The following STK32C variants were observed in gnomAD, a reference collection of about 807,000 sequenced individuals.
STK32C encodes the protein serine/threonine kinase 32C.
A neutral mutation model predicts 56.5 loss-of-function variants in STK32C; 31 were observed. The observed-to-expected ratio is 0.55, with a 90% CI of 0.41 to 0.74. The LOEUF (loss-of-function observed/expected upper bound fraction) is 0.74, where lower values mean the gene tolerates loss of function less well. Ranked by LOEUF, STK32C falls within the 30% of genes least tolerant of loss-of-function variation. STK32C has a pLI of 0.00. For synonymous variants in STK32C, 309 were observed against 289.4 expected (o/e 1.07, Z -0.69); for missense variants, 544 against 676.9 (o/e 0.80, Z 2.18).
intron 2 of STK32C, among the ~76,000 whole-genome samples, chr10:132,241,763 C>T (rs933600587): frequency 3.3e-5 from 5 of 152,190 alleles, no homozygotes; most frequent in African/African-American, 1.2e-4. Context: ...CCTGCACCCT[C>T]GACGGGCTGT....
chr10:132,280,702 A>ACCTCCACTCCCTGATCACGC (rs1564773114), intron 1 of STK32C, among the ~76,000 whole-genome samples: 2 of 144,212 alleles, frequency 1.4e-5, no homozygotes, highest in Admixed American at 6.9e-5. Context: ...CGTGATCATG[A>ACCTCCACTCCCTGATCACGC]ACCTCCACTC....
intron 1 of STK32C, among the ~76,000 whole-genome samples, chr10:132,317,967 C>CAAAAAAAAA (rs1223040750): frequency 1.4e-4 from 8 of 55,574 alleles, no homozygotes; most frequent in Admixed American, 2.0e-4. Flanking sequence ...GACTCTGTCT[C>CAAAAAAAAA]AAAAAAAAAA....
At chr10:132,239,994 G>A (rs1417903572) in intron 2 of STK32C, among the ~76,000 whole-genome samples, 2 of 152,230 alleles carry the variant, frequency 1.3e-5, no homozygotes, top group Admixed American at 6.5e-5. Context: ...AGGAAGAAAC[G>A]GAGCTGCCTG....
In STK32C at chr10:132,222,943, T is replaced by A; in HGVS notation, c.1037A>T (p.Asp346Val). The change falls in exon 9 of 12, where the codon GAC becomes GTC. Residue 346 changes from aspartate to valine, a missense_variant. Coordinates refer to ENST00000298630, the MANE Select transcript of STK32C (RefSeq NM_173575.4). ...GGCCAGCGCCGGGGCTGCCTGCACG[T>A]CCTGGAGGCTGGAGAGCCGGTGCTC... The part of the protein sequence containing the change: ...NPEHRLSSLQ[D>V]VQAAPALAGV... The A allele has an allele frequency of 6.4e-7, 1 of 1,554,542 alleles. No homozygotes were observed. Among genetic ancestry groups the A allele is most frequent in the Non-Finnish European group, 8.7e-7 (1 of 1,153,282 alleles).
chr10:132,268,907 A>G (rs373048967), intron 1 of STK32C, among the ~76,000 whole-genome samples: 2 of 116,298 alleles, frequency 1.7e-5, no homozygotes, highest in African/African-American at 6.8e-5. Context: ...GTGTGCATGC[A>G]TGTGCATGCA....
chr10:132,225,970 G>A (rs539535073), intron 4 of STK32C, among the ~76,000 whole-genome samples, 186 bp from the exon 5 acceptor site: 1 of 152,368 alleles, frequency 6.6e-6, no homozygotes, highest in African/African-American at 2.4e-5. Context: ...CAGAGGCGAT[G>A]AAGTCAGCCA....
chr10:132,225,517 T>G lies in STK32C; in HGVS notation c.772+10A>C. ...GCCAGCTCCCATCTGGAACCCCAGC[T>G]CGGGCTCACCCATGTACGGCTTGGT... On this transcript the variant is annotated intron_variant, in intron 6 of 11. Coordinates refer to ENST00000298630, the MANE Select transcript of STK32C (RefSeq NM_173575.4). The G allele has an allele frequency of 6.2e-7, 1 of 1,613,738 alleles. No homozygotes were observed. The highest frequency in any genetic ancestry group is 8.5e-7 in the Non-Finnish European group (1 of 1,180,004).
chr10:132,321,428 A>G (rs1186180023), downstream of STK32C, among the ~76,000 whole-genome samples: 1 of 152,198 alleles, frequency 6.6e-6, no homozygotes, highest in African/African-American at 2.4e-5. Flanking sequence ...CCCTCCACAT[A>G]GCCTGCTGGG....
In STK32C at chr10:132,238,420, G is replaced by A. The variant is rs572085309; in HGVS notation, c.318+7480C>T. ...ACACAGCAAAGACCAGGGTCTCGGA[G>A]GCAGACGACGTGAAGGGGAAACACG... On this transcript the variant is annotated intron_variant, in intron 2 of 11. Coordinates refer to ENST00000298630, the MANE Select transcript of STK32C (RefSeq NM_173575.4). 2.0e-5 allele frequency among the ~76,000 whole-genome samples: 3 copies of A among 152,366 alleles called. No individual in the cohort carries two copies. In the South Asian group the frequency reaches 6.2e-4, roughly 32 times the overall value.
At chr10:132,249,080 C>T (rs755756922) in intron 1 of STK32C, 9 of 478,748 alleles carry the variant, frequency 1.9e-5, no homozygotes, top group African/African-American at 1.4e-4. Flanking sequence ...GGCAGAGGCT[C>T]CCAGCTGGGA....
At chr10:132,268,821 G>T (rs2064707181) in intron 1 of STK32C, among the ~76,000 whole-genome samples, 1 of 146,456 alleles carries the variant, frequency 6.8e-6, no homozygotes, top group Non-Finnish European at 1.5e-5. Flanking sequence ...CGGTGTGTGT[G>T]CATGCATGTG....
intron 2 of STK32C, among the ~76,000 whole-genome samples, chr10:132,242,737 T>C (rs1430294605): frequency 1.3e-5 from 2 of 152,134 alleles, no homozygotes; most frequent in African/African-American, 4.8e-5. Flanking sequence ...TCCCCCACGA[T>C]GCCCTGCACA....
At chr10:132,208,439 C>T (rs2062174607) in intron 11 of STK32C, among the ~76,000 whole-genome samples, 1 of 152,222 alleles carries the variant, frequency 6.6e-6, no homozygotes, top group African/African-American at 2.4e-5. Flanking sequence ...TGAGGCTCGG[C>T]TAAGCCTCAT....
chr10:132,244,271 C>T (rs2063606284), intron 2 of STK32C, among the ~76,000 whole-genome samples: 1 of 152,208 alleles, frequency 6.6e-6, no homozygotes, highest in Non-Finnish European at 1.5e-5. Context: ...GAACACGGCA[C>T]CCAGCAGCTC....
intron 10 of STK32C, among the ~76,000 whole-genome samples, chr10:132,216,163 G>A (rs939725572): frequency 6.6e-6 from 1 of 152,162 alleles, no homozygotes; most frequent in East Asian, 1.9e-4. Context: ...ACCTGACAAT[G>A]CAATAGAAAA....
chr10:132,230,834 C>A (rs1337878258), intron 2 of STK32C, among the ~76,000 whole-genome samples: 4 of 152,220 alleles, frequency 2.6e-5, no homozygotes, highest in African/African-American at 4.8e-5. Flanking sequence ...CCTCTCCAGG[C>A]TCCCTCTGCC....
At chr10:132,248,815 A>C (rs918271310) in intron 1 of STK32C, among the ~76,000 whole-genome samples, 1 of 152,200 alleles carries the variant, frequency 6.6e-6, no homozygotes, top group African/African-American at 2.4e-5. Context: ...CAGGACCCCA[A>C]GCAGCCCGCA....
At position 132,207,764 on chromosome 10, in the gene STK32C, C is replaced by A; in HGVS notation, c.*246G>T. 2.5e-6 allele frequency: 1 copy of A among 405,410 alleles called. No homozygotes were observed. The highest frequency in any genetic ancestry group is 3.8e-5 in the East Asian group (1 of 26,050). 25.1% of individuals were successfully genotyped at this position (405,410 alleles called of 1,614,324 possible). ...TGAGCGGTAAGAGGGCGCCCAGCAG[C>A]GCTTCCTCCATCTAGGCGGGTCTCG... On this transcript the variant is annotated 3_prime_UTR_variant, in exon 12 of 12. Transcript: ENST00000298630.
At chr10:132,292,897 C>A (rs2065612774) in intron 1 of STK32C, among the ~76,000 whole-genome samples, 1 of 142,544 alleles carries the variant, frequency 7.0e-6, no homozygotes, top group African/African-American at 2.5e-5. Flanking sequence ...CCTCCCTGGT[C>A]CCTCCCCCCT....
Sources: gnomAD v4.1 joint callset for allele counts (sites outside exome capture counted in the v4.1 genomes callset) on GRCh38, gnomAD v4.1.1 for gene constraint, MANE v1.5 for transcripts, NCBI Gene and HGNC (gene_info 2026-07-23, HGNC 2026-07-21) for gene names.